Variants in OTOA observed in about 807,000 individuals in gnomAD.
OTOA encodes otoancorin.
In OTOA, 70 loss-of-function variants were observed where a neutral mutation model predicts 110.8. The observed-to-expected ratio is 0.63, with a 90% CI of 0.52 to 0.77. OTOA has a LOEUF of 0.77. Ranked by LOEUF, OTOA falls within the 30% of genes least tolerant of loss-of-function variation. The pLI, the probability that OTOA is intolerant of heterozygous loss-of-function variation, is 0.00. For missense variants in OTOA, 917 were observed against 1,075.8 expected, an observed-to-expected ratio of 0.85 and a Z score of 2.06; for synonymous variants, 373 against 431.5, an observed-to-expected ratio of 0.86 and a Z score of 1.68.
At chr16:21,746,879 CT>C in intron 24 of OTOA, among the ~76,000 whole-genome samples, 1 of 152,212 alleles carries the variant, frequency 6.6e-6, no homozygotes, top group African/African-American at 2.4e-5. Flanking sequence ...CTCTTTTGAG[CT>C]TTTTGTAATC....
intron 12 of OTOA, among the ~76,000 whole-genome samples, chr16:21,708,652 C>T (rs1407544443): frequency 6.6e-6 from 1 of 152,182 alleles, no homozygotes; most frequent in African/African-American, 2.4e-5. Flanking sequence ...AGTTGCCGAA[C>T]TTAGAGAACC....
At chr16:21,704,847 G>A (rs1597824342) in intron 11 of OTOA, 4 of 757,750 alleles carry the variant, frequency 5.3e-6, no homozygotes, top group Non-Finnish European at 9.8e-6. Flanking sequence ...ATTGGGTCTT[G>A]CTACAAGGTG....
At chr16:21,669,710 C>T (rs376824522) in intron 1 of OTOA, among the ~76,000 whole-genome samples, 11 of 152,308 alleles carry the variant, frequency 7.2e-5, no homozygotes, top group African/African-American at 2.6e-4. Flanking sequence ...CTTCTCACCA[C>T]CTTCACTGCT....
chr16:21,685,189 T>C (rs1897688055), intron 6 of OTOA, 41 bp from the exon 7 acceptor site: 3 of 1,606,962 alleles, frequency 1.9e-6, no homozygotes, highest in Admixed American at 1.7e-5. Flanking sequence ...GTGCTCCTGC[T>C]CTTTCTGTTC....
At chr16:21,710,359 T>C (rs965503002) in intron 13 of OTOA, among the ~76,000 whole-genome samples, 15 of 152,134 alleles carry the variant, frequency 9.9e-5, no homozygotes, top group African/African-American at 3.4e-4. Context: ...GCAAGCTCTC[T>C]GGTGTTGCGT....
intron 14 of OTOA, among the ~76,000 whole-genome samples, chr16:21,716,341 G>A (rs1298802169): frequency 2.0e-5 from 3 of 152,184 alleles, no homozygotes; most frequent in Non-Finnish European, 4.4e-5. Flanking sequence ...GTAGGCCAAG[G>A]TGGGCGGATC....
Position 21,714,860 on chromosome 16 carries a change from C to T in OTOA, c.1321-125C>T, listed in dbSNP as rs1329594201. ...GAAGGCCTGTGGAGGCAGCATCTGT[C>T]TGGCTCACTGCTGTGCCCCTAAGGT... On this transcript the variant is annotated intron_variant, in intron 13 of 28. Transcript: ENST00000646100. The T allele has an allele frequency of 3.6e-5, 45 of 1,263,070 alleles. No homozygotes were observed. In the East Asian group the frequency reaches 1.1e-3, roughly 30 times the overall value. 78.2% of individuals were successfully genotyped at this position (1,263,070 alleles called of 1,614,324 possible).
intron 27 of OTOA, among the ~76,000 whole-genome samples, chr16:21,756,348 C>T (rs1399231181): frequency 1.3e-5 from 2 of 152,048 alleles, no homozygotes; most frequent in Non-Finnish European, 1.5e-5. Flanking sequence ...CCTCACAGAG[C>T]TCATCACATG....
intron 14 of OTOA, among the ~76,000 whole-genome samples, chr16:21,715,421 A>G (rs1898522646): frequency 6.6e-6 from 1 of 151,296 alleles, no homozygotes; most frequent in African/African-American, 2.4e-5. Flanking sequence ...TCCTGATCTT[A>G]TAACACTTCA....
At chr16:21,689,269 T>A (rs1343023920) in intron 8 of OTOA, among the ~76,000 whole-genome samples, 1 of 152,176 alleles carries the variant, frequency 6.6e-6, no homozygotes, top group Non-Finnish European at 1.5e-5. Flanking sequence ...TGTAGCCAAA[T>A]GACAGTAAGG....
chr16:21,699,776 G>A (rs1237816456), intron 10 of OTOA, among the ~76,000 whole-genome samples: 1 of 151,916 alleles, frequency 6.6e-6, no homozygotes, highest in East Asian at 1.9e-4. Flanking sequence ...AAAATTAGCC[G>A]GGCATGTTTG....
At chr16:21,696,563 A>C (rs1300963158) in intron 9 of OTOA, among the ~76,000 whole-genome samples, 1 of 152,048 alleles carries the variant, frequency 6.6e-6, no homozygotes, top group Non-Finnish European at 1.5e-5. Flanking sequence ...TCATGTTGCC[A>C]GATTATTATC....
chr16:21,710,416 C>T (rs1469805424), intron 13 of OTOA, among the ~76,000 whole-genome samples: 1 of 152,154 alleles, frequency 6.6e-6, no homozygotes, highest in Non-Finnish European at 1.5e-5. Context: ...ACCTGACCCT[C>T]ATTATCTCAT....
intron 9 of OTOA, among the ~76,000 whole-genome samples, chr16:21,696,826 A>G (rs1264748907): frequency 6.6e-6 from 1 of 152,194 alleles, no homozygotes; most frequent in African/African-American, 2.4e-5. Context: ...CGAATGAAAA[A>G]ATAAAACTAC....
In OTOA at chr16:21,760,693, A is replaced by C; in HGVS notation, c.*153A>C. 1 of 497,186 alleles carries C rather than the reference A, an allele frequency of 2.0e-6. No individual in the cohort carries two copies. Among genetic ancestry groups the C allele is most frequent in the Non-Finnish European group, 3.6e-6 (1 of 280,140 alleles). 30.8% of individuals were successfully genotyped at this position (497,186 alleles called of 1,614,324 possible). A position where few individuals can be genotyped will look rare whatever the true frequency, so the allele number is the denominator to read the frequency against. On this transcript the variant is annotated 3_prime_UTR_variant, in exon 29 of 29. Transcript: ENST00000646100. ...GCCTTGATGGTGAAAATGCACCCCA[A>C]ATGAAAAATAATTATTAAAAATGAT...
chr16:21,666,389 TGGGGTGTCCCAGCAGGA>T (rs1248885745), intron 1 of OTOA, among the ~76,000 whole-genome samples: 1 of 152,076 alleles, frequency 6.6e-6, no homozygotes, highest in Non-Finnish European at 1.5e-5. Context: ...GTGTCTGGGC[TGGGGTGTCCCAGCAGGA>T]GGGGAACCTC....
intron 1 of OTOA, among the ~76,000 whole-genome samples, chr16:21,671,060 G>C (rs1966848379): frequency 6.6e-6 from 1 of 152,054 alleles, no homozygotes; most frequent in Admixed American, 6.6e-5. Flanking sequence ...GAGAGGCGGA[G>C]GGTGACATGA....
intron 7 of OTOA, among the ~76,000 whole-genome samples, chr16:21,686,436 G>A (rs145434884): frequency 2.6e-5 from 4 of 152,014 alleles, no homozygotes; most frequent in East Asian, 3.9e-4. Context: ...CTACAGGTGC[G>A]CATTAGCACA....
chr16:21,735,284 C>A (rs1029257373), intron 21 of OTOA, among the ~76,000 whole-genome samples: 3 of 152,072 alleles, frequency 2.0e-5, no homozygotes, highest in Admixed American at 2.0e-4. Context: ...GAAGGGGGAG[C>A]AGACACATCT....
Sources: gnomAD v4.1 joint callset for allele counts (sites outside exome capture counted in the v4.1 genomes callset) on GRCh38, gnomAD v4.1.1 for gene constraint, MANE v1.5 for transcripts, NCBI Gene and HGNC (gene_info 2026-07-23, HGNC 2026-07-21) for gene names.